The following MAPK10 variants were observed in gnomAD, a reference collection of about 807,000 sequenced individuals.
MAPK10 encodes the protein mitogen-activated protein kinase 10.
Under a neutral mutation model 59.3 loss-of-function variants are expected in MAPK10, and 25 were observed. The observed-to-expected ratio is 0.42, with a 90% confidence interval of 0.31 to 0.59. The LOEUF (loss-of-function observed/expected upper bound fraction) is 0.59. Among genes scored for constraint, MAPK10 ranks in the 20% least tolerant of loss-of-function variants. MAPK10 has a pLI of 0.15. For synonymous variants in MAPK10, 190 were observed against 200.5 expected (o/e 0.95, Z 0.44); for missense variants, 351 against 568.9 (o/e 0.62, Z 3.90).
intron 2 of MAPK10, among the ~76,000 whole-genome samples, chr4:86,212,057 C>A (rs1307389221): frequency 6.6e-6 from 1 of 151,966 alleles, no homozygotes; most frequent in Non-Finnish European, 1.5e-5. Flanking sequence ...CTGAGTCATA[C>A]AGAAAACAAA....
Position 86,448,254 on chromosome 4 carries a change from T to C in MAPK10, c.-122+4776A>G, listed in dbSNP as rs148682846. On this transcript the variant is annotated intron_variant, in intron 1 of 13. Transcript: ENST00000361569. ...CACACTTTTAATTAATATAGCTTTA[T>C]GTAGCATATACATATTAATATGTGC... Among the ~76,000 whole-genome samples, 928 of 152,294 alleles carry C rather than the reference T, an allele frequency of 6.1e-3. 7 individuals are homozygous for C. Among genetic ancestry groups the C allele is most frequent in the African/African-American group, 0.02 (826 of 41,582 alleles).
At chr4:86,385,431 T>C (rs1741334465) in intron 1 of MAPK10, among the ~76,000 whole-genome samples, 1 of 152,212 alleles carries the variant, frequency 6.6e-6, no homozygotes, top group Non-Finnish European at 1.5e-5. Context: ...AAAAACACTC[T>C]GTGGTTGACT....
chr4:86,374,433 C>T (rs1739451928), intron 1 of MAPK10, among the ~76,000 whole-genome samples: 1 of 151,976 alleles, frequency 6.6e-6, no homozygotes, highest in Admixed American at 6.6e-5. Context: ...AAAGATGTAT[C>T]CCTCATTAGA....
intron 4 of MAPK10, among the ~76,000 whole-genome samples, chr4:86,147,197 C>T (rs1306302912): frequency 6.6e-6 from 1 of 152,044 alleles, no homozygotes; most frequent in Non-Finnish European, 1.5e-5. Flanking sequence ...AGGGATTCTC[C>T]CACCTCAGCC....
chr4:86,358,330 G>C (rs909260802), intron 1 of MAPK10: 26 of 985,308 alleles, frequency 2.6e-5, no homozygotes, highest in Non-Finnish European at 3.1e-5. Context: ...ATGAGGGATA[G>C]AAGGAGATAT....
At chr4:86,137,486 C>A (rs1224955323) in intron 4 of MAPK10, among the ~76,000 whole-genome samples, 1 of 133,630 alleles carries the variant, frequency 7.5e-6, no homozygotes, top group Non-Finnish European at 1.6e-5. Flanking sequence ...TTGAAACCAA[C>A]GAGAACAAAG....
intron 3 of MAPK10, among the ~76,000 whole-genome samples, chr4:86,172,713 T>G (rs2074596455): frequency 6.7e-6 from 1 of 149,516 alleles, no homozygotes; most frequent in Non-Finnish European, 1.5e-5. Context: ...ACCCTAAAAC[T>G]TAAAGTATAA....
intron 1 of MAPK10, among the ~76,000 whole-genome samples, chr4:86,552,012 A>T (rs901290577): frequency 6.6e-6 from 1 of 152,072 alleles, no homozygotes; most frequent in African/African-American, 2.4e-5. Context: ...ATTTCTGCTG[A>T]TTTTTTTCAT....
At chr4:86,341,151 C>T (rs1724661113) in intron 2 of MAPK10, among the ~76,000 whole-genome samples, 1 of 152,162 alleles carries the variant, frequency 6.6e-6, no homozygotes, top group African/African-American at 2.4e-5. Flanking sequence ...ACAGTCATGA[C>T]TTAACAATAC....
At chr4:86,504,142 T>C (rs1755543859) in intron 1 of MAPK10, among the ~76,000 whole-genome samples, 1 of 152,174 alleles carries the variant, frequency 6.6e-6, no homozygotes, top group Non-Finnish European at 1.5e-5. Flanking sequence ...GTAATATTTT[T>C]TATTGTCTGT....
chr4:86,161,292 C>T (rs1407045476), intron 3 of MAPK10, among the ~76,000 whole-genome samples: 2 of 152,010 alleles, frequency 1.3e-5, no homozygotes, highest in Admixed American at 1.3e-4. Context: ...GGGAATTAAA[C>T]AAGACTATTA....
chr4:86,258,722 A>G (rs1177212365), intron 2 of MAPK10, among the ~76,000 whole-genome samples: 1 of 152,116 alleles, frequency 6.6e-6, no homozygotes, highest in Non-Finnish European at 1.5e-5. Flanking sequence ...ACCCTTCTGA[A>G]AAATATAGAC....
At chr4:86,351,076 A>T (rs1731083358) in intron 2 of MAPK10, among the ~76,000 whole-genome samples, 1 of 151,830 alleles carries the variant, frequency 6.6e-6, no homozygotes, top group African/African-American at 2.4e-5. Context: ...CCATATCTTT[A>T]AAAAAAAGTG....
At chr4:86,079,761 G>A (rs1309384655) in intron 9 of MAPK10, 3 of 152,030 alleles carry the variant, frequency 2.0e-5, no homozygotes, top group East Asian at 1.9e-4. Context: ...AGACCAAATC[G>A]GGAAAGATAC....
At chr4:86,525,319 A>C (rs1211187220) in intron 1 of MAPK10, among the ~76,000 whole-genome samples, 1 of 152,132 alleles carries the variant, frequency 6.6e-6, no homozygotes, top group African/African-American at 2.4e-5. Flanking sequence ...AATAAGAAAA[A>C]GAAAACGAAA....
intron 2 of MAPK10, among the ~76,000 whole-genome samples, chr4:86,312,401 C>T (rs1364357540): frequency 2.0e-5 from 3 of 151,958 alleles, no homozygotes; most frequent in Non-Finnish European, 4.4e-5. Context: ...CCATAATGTC[C>T]TTCCAAGTGC....
intron 1 of MAPK10, among the ~76,000 whole-genome samples, chr4:86,398,736 G>A (rs1374729158): frequency 6.6e-6 from 1 of 152,112 alleles, no homozygotes. Context: ...CCAATAGTTA[G>A]TTTTACAACC....
intron 2 of MAPK10, among the ~76,000 whole-genome samples, chr4:86,304,933 T>C (rs1489685073): frequency 6.6e-6 from 1 of 152,210 alleles, no homozygotes; most frequent in Non-Finnish European, 1.5e-5. Context: ...ACCTATTTTT[T>C]AGGGACAGTG....
intron 2 of MAPK10, among the ~76,000 whole-genome samples, chr4:86,277,621 T>C (rs949066276): frequency 1.3e-5 from 2 of 152,126 alleles, no homozygotes; most frequent in Non-Finnish European, 2.9e-5. Context: ...TTTTTTTAAG[T>C]GTTAAGTTAT....
Sources: allele counts gnomAD v4.1 joint callset (sites outside exome capture counted in the v4.1 genomes callset), GRCh38; gene constraint gnomAD v4.1.1; transcripts MANE v1.5; gene names NCBI Gene and HGNC (gene_info 2026-07-23, HGNC 2026-07-21).